Variants in HMCN1 observed in about 807,000 individuals in gnomAD.
The protein encoded by HMCN1 is hemicentin-1.
In HMCN1, 321 loss-of-function variants were observed where a neutral mutation model predicts 625.9. The observed-to-expected ratio is 0.51, with a 90% CI of 0.47 to 0.56. HMCN1 has a LOEUF of 0.56. Among genes scored for constraint, HMCN1 ranks in the 20% least tolerant of loss-of-function variants. HMCN1 has a pLI of 0.00. For missense variants in HMCN1, 6,588 were observed against 6,887.3 expected (o/e 0.96, Z 1.54); for synonymous variants, 2,425 against 2,417.6 (o/e 1.00, Z -0.09).
Position 186,053,874 on chromosome 1 carries a change from G to A in HMCN1, c.6750G>A (p.Gly2250=), listed in dbSNP as rs1177359806. 9 of 1,612,540 alleles carry A rather than the reference G, an allele frequency of 5.6e-6. No homozygotes were observed. The Admixed American group carries it at 1.2e-4, about 21-fold the overall frequency. ...TGGGGCGAGTTAGAATTTTATCTGG[G>A]GGCAGGCAATTACAAATTTCAATTG... The part of the protein sequence containing the change: ...DSMGRVRILS[G]GRQLQISIAE... Residue 2250 remains glycine, a synonymous_variant, in exon 44 of 107, where the codon GGG becomes GGA. Coordinates refer to ENST00000271588, the MANE Select transcript of HMCN1 (RefSeq NM_031935.3).
At chr1:185,977,235 TTTCTC>T (rs1243842050) in intron 15 of HMCN1, among the ~76,000 whole-genome samples, 1 of 152,140 alleles carries the variant, frequency 6.6e-6, no homozygotes, top group East Asian at 1.9e-4. Context: ...AATATTTAAA[TTTCTC>T]TAATTCAAAA....
intron 103 of HMCN1, among the ~76,000 whole-genome samples, chr1:186,175,123 C>T (rs1652478636): frequency 6.6e-6 from 1 of 152,122 alleles, no homozygotes; most frequent in Non-Finnish European, 1.5e-5. Flanking sequence ...GTGCTGTTCC[C>T]TTTGCTAAAA....
chr1:186,178,019 T>G (rs980789164), intron 103 of HMCN1, among the ~76,000 whole-genome samples: 1 of 152,104 alleles, frequency 6.6e-6, no homozygotes, highest in African/African-American at 2.4e-5. Flanking sequence ...CGTGTAAAAA[T>G]GTATACCAAA....
At chr1:185,902,241 A>T (rs781328948) in intron 4 of HMCN1, among the ~76,000 whole-genome samples, 35 of 149,410 alleles carry the variant, frequency 2.3e-4, no homozygotes, top group East Asian at 1.2e-3. Flanking sequence ...TTTTATATAA[A>T]TTTTTTTTTT....
At chr1:185,902,411 CTATCTA>C (rs1558053059) in intron 4 of HMCN1, among the ~76,000 whole-genome samples, 14 of 129,620 alleles carry the variant, frequency 1.1e-4, no homozygotes, top group African/African-American at 4.1e-4. Flanking sequence ...CTATCTCTAT[CTATCTA>C]TCTATCTATC....
chr1:185,841,546 C>T (rs1661477884), intron 1 of HMCN1, among the ~76,000 whole-genome samples: 1 of 152,140 alleles, frequency 6.6e-6, no homozygotes, highest in African/African-American at 2.4e-5. Flanking sequence ...TAGGTTTAAT[C>T]TTCTTTCTTT....
intron 1 of HMCN1, among the ~76,000 whole-genome samples, chr1:185,735,775 C>T (rs1375936780): frequency 6.6e-5 from 10 of 152,178 alleles, no homozygotes; most frequent in Admixed American, 6.5e-4. Context: ...TAATATGATC[C>T]TATTTACTTT....
chr1:185,926,584 G>A (rs1364053293), intron 9 of HMCN1, among the ~76,000 whole-genome samples: 1 of 152,112 alleles, frequency 6.6e-6, no homozygotes, highest in East Asian at 1.9e-4. Flanking sequence ...TAAGCCATGA[G>A]AATTCTTTTT....
chr1:185,905,060 G>A (rs953010837), intron 4 of HMCN1, among the ~76,000 whole-genome samples: 3 of 151,792 alleles, frequency 2.0e-5, no homozygotes, highest in African/African-American at 7.3e-5. Flanking sequence ...TAAATACAAT[G>A]TGATGCTAAC....
At chr1:186,120,499 C>T (rs991663879) in intron 80 of HMCN1, among the ~76,000 whole-genome samples, 5 of 152,178 alleles carry the variant, frequency 3.3e-5, no homozygotes, top group Admixed American at 2.0e-4. Context: ...TAACGTTCCA[C>T]TTAAAAAATC....
In HMCN1 at chr1:186,083,054, T is replaced by C. The variant is rs1659265459; in HGVS notation, c.8884+93T>C. 3 of 628,616 alleles carry C rather than the reference T, an allele frequency of 4.8e-6. No individual in the cohort carries two copies. In the South Asian group the frequency reaches 8.1e-5, roughly 17 times the overall value. The allele number at this position is 628,616 out of a possible 1,614,324, so 38.9% of individuals were successfully genotyped here. On this transcript the variant is annotated intron_variant, in intron 57 of 106. Transcript: ENST00000271588. ...TTATGTAGGCTTATTTTGTATTTTT[T>C]AACTTAAACAATGTGAGGAGCCTAT...
chr1:185,826,951 C>T (rs146489975), intron 1 of HMCN1, among the ~76,000 whole-genome samples: 2,617 of 151,664 alleles, frequency 0.017, 83 homozygotes, highest in African/African-American at 0.058. Flanking sequence ...CCAAGGTGGG[C>T]GGATCACGAG....
intron 36 of HMCN1, among the ~76,000 whole-genome samples, chr1:186,033,062 A>ACG (rs898657459): frequency 5.6e-5 from 8 of 142,114 alleles, no homozygotes; most frequent in East Asian, 2.0e-4. Flanking sequence ...ATATACACAC[A>ACG]CGCACACACA....
chr1:186,088,118 G>A, intron 61 of HMCN1, 27 bp from the exon 62 acceptor site: 1 of 1,587,478 alleles, frequency 6.3e-7, no homozygotes, highest in East Asian at 2.3e-5. Context: ...CTGTTTTTTT[G>A]TTTGTTTGTT....
chr1:186,166,759 G>A, intron 99 of HMCN1, 49 bp from the exon 100 acceptor site: 4 of 1,613,690 alleles, frequency 2.5e-6, no homozygotes, highest in Non-Finnish European at 3.4e-6. Flanking sequence ...AGGTTCTTGG[G>A]CTGGGTGTTC....
chr1:185,989,168 C>T (rs566306535), intron 20 of HMCN1, among the ~76,000 whole-genome samples: 175 of 151,914 alleles, frequency 1.2e-3, no homozygotes, highest in South Asian at 4.0e-3. Flanking sequence ...CCACCTCGCC[C>T]GGCTAATTTT....
chr1:186,123,059 A>G lies in HMCN1; in HGVS notation c.12338A>G (p.His4113Arg). 1 of 1,614,138 alleles carries G rather than the reference A, an allele frequency of 6.2e-7. No homozygotes were observed. Among genetic ancestry groups the G allele is most frequent in the Non-Finnish European group, 8.5e-7 (1 of 1,180,000 alleles). Residue 4113 changes from histidine to arginine, a missense_variant, in exon 81 of 107, where the codon CAT becomes CGT. His to Arg is a conservative substitution (Grantham distance 29). This residue lies in a region of HMCN1 where 1,954 missense variants were observed against 2,013.1 expected (regional missense o/e 0.97). Transcript: ENST00000271588. ...CTCCCTCCGCCTGACATTACATGGC[A>G]TAAAGATGGGCGTGCAATTGTGGAA... ...DGLPPPDITW[H>R]KDGRAIVESI...
At chr1:186,053,293 A>G (rs1465034770) in intron 43 of HMCN1, among the ~76,000 whole-genome samples, 3 of 152,044 alleles carry the variant, frequency 2.0e-5, no homozygotes, top group Non-Finnish European at 4.4e-5. Flanking sequence ...CTCCCTGGAA[A>G]AAAATAATTT....
At chr1:185,778,428 T>C (rs1045456804) in intron 1 of HMCN1, among the ~76,000 whole-genome samples, 1 of 151,762 alleles carries the variant, frequency 6.6e-6, no homozygotes, top group Non-Finnish European at 1.5e-5. Flanking sequence ...ACATGCGCCA[T>C]GTTGGTGTGC....
Sources: allele counts gnomAD v4.1 joint callset (sites outside exome capture counted in the v4.1 genomes callset), GRCh38; gene constraint gnomAD v4.1.1; regional missense constraint gnomAD v4.1.1; transcripts MANE v1.5; gene names NCBI Gene and HGNC (gene_info 2026-07-23, HGNC 2026-07-21).